JPH3: variants seen among roughly 807,000 people sequenced by gnomAD.
JPH3 encodes junctophilin 3, also known as junctophilin-3.
In JPH3, 11 loss-of-function variants were observed where a neutral mutation model predicts 59.6. The ratio of observed to expected loss-of-function variants is 0.18; its 90% CI spans 0.12 to 0.31. The LOEUF is 0.31. Ranked by LOEUF, JPH3 falls within the 10% of genes least tolerant of loss-of-function variation. The probability of loss-of-function intolerance (pLI) is 1.00; values close to 1 mark genes in which losing one functional copy is unlikely to be tolerated. For missense variants in JPH3, 1,202 were observed against 1,105.7 expected, an observed-to-expected ratio of 1.09 and a Z score of -1.24; for synonymous variants, 673 against 483.6, an observed-to-expected ratio of 1.39 and a Z score of -5.14.
chr16:87,691,338 A>T (rs1219609681), intron 4 of JPH3, among the ~76,000 whole-genome samples: 2 of 152,162 alleles, frequency 1.3e-5, no homozygotes, highest in African/African-American at 4.8e-5. Context: ...CGGTGGCTAC[A>T]TAGGATCTGC....
At chr16:87,620,345 TGGGCCAGAGC>T (rs891834759) in intron 1 of JPH3, among the ~76,000 whole-genome samples, 17 of 89,922 alleles carry the variant, frequency 1.9e-4, no homozygotes, top group South Asian at 3.8e-4. Context: ...CCTGGTGTCA[TGGGCCAGAGC>T]GGGCCAGAGC....
intron 1 of JPH3, among the ~76,000 whole-genome samples, chr16:87,617,777 T>C (rs1254216609): frequency 1.3e-5 from 2 of 151,288 alleles, no homozygotes; most frequent in Non-Finnish European, 2.9e-5. Context: ...AGAGAAGCTG[T>C]GCGCAGCCGG....
At chr16:87,632,487 C>T (rs568310563) in intron 1 of JPH3, among the ~76,000 whole-genome samples, 124 of 152,336 alleles carry the variant, frequency 8.1e-4, no homozygotes, top group Non-Finnish European at 1.6e-3. Context: ...TGCTCTGCCA[C>T]CCAGGCTGGA....
chr16:87,683,589 C>G (rs929065178), intron 2 of JPH3, among the ~76,000 whole-genome samples: 2 of 151,918 alleles, frequency 1.3e-5, no homozygotes, highest in Non-Finnish European at 2.9e-5. Flanking sequence ...CAGGCGTGAG[C>G]CACTGTGCCC....
At chr16:87,608,812 G>A (rs2030625761) in intron 1 of JPH3, among the ~76,000 whole-genome samples, 1 of 152,192 alleles carries the variant, frequency 6.6e-6, no homozygotes, top group Non-Finnish European at 1.5e-5. Flanking sequence ...CGAGATGGGA[G>A]GTTCACTTGA....
intron 2 of JPH3, among the ~76,000 whole-genome samples, chr16:87,674,679 G>A (rs1175860304): frequency 6.6e-6 from 1 of 152,168 alleles, no homozygotes; most frequent in Non-Finnish European, 1.5e-5. Flanking sequence ...CATGTGGAAG[G>A]GTTTGAAGGA....
chr16:87,643,921 G>A (rs2032041285), intron 1 of JPH3, among the ~76,000 whole-genome samples: 1 of 152,082 alleles, frequency 6.6e-6, no homozygotes, highest in African/African-American at 2.4e-5. Context: ...AGGATCACTT[G>A]AGCCCATGAG....
At chr16:87,689,521 T>G in intron 3 of JPH3, 125 bp from the exon 4 acceptor site, 1 of 1,041,064 alleles carries the variant, frequency 9.6e-7, no homozygotes, top group Non-Finnish European at 1.4e-6. Context: ...CCTGCAGCCT[T>G]TCGGTGAGTG....
chr16:87,614,288 G>A (rs1386713803), intron 1 of JPH3, among the ~76,000 whole-genome samples: 2 of 151,986 alleles, frequency 1.3e-5, no homozygotes, highest in Non-Finnish European at 2.9e-5. Context: ...GTACACAGGA[G>A]GAGCTGTGCG....
At chr16:87,633,248 C>A (rs963980336) in intron 1 of JPH3, among the ~76,000 whole-genome samples, 1 of 151,880 alleles carries the variant, frequency 6.6e-6, no homozygotes, top group African/African-American at 2.4e-5. Context: ...CCTCTGAGTC[C>A]CTTCATAGAA....
chr16:87,691,069 C>G (rs1022289395), intron 4 of JPH3, among the ~76,000 whole-genome samples: 1 of 148,482 alleles, frequency 6.7e-6, no homozygotes, highest in Non-Finnish European at 1.5e-5. Flanking sequence ...TGCAACTCAC[C>G]GTCAGCCTCA....
intron 1 of JPH3, among the ~76,000 whole-genome samples, chr16:87,606,055 A>C (rs911384888): frequency 1.3e-5 from 2 of 152,154 alleles, no homozygotes; most frequent in Non-Finnish European, 2.9e-5. Flanking sequence ...GAAGGGGGTG[A>C]TTATGGCACT....
intron 1 of JPH3, among the ~76,000 whole-genome samples, chr16:87,606,796 G>T (rs1189987702): frequency 6.6e-6 from 1 of 152,146 alleles, no homozygotes; most frequent in Non-Finnish European, 1.5e-5. Flanking sequence ...CCAACATCTG[G>T]ACAGGAGACT....
At position 87,684,192 on chromosome 16, in the gene JPH3, A is replaced by G; in HGVS notation, c.1211A>G (p.Lys404Arg). ...GAGGCAGCCCTCACAGCAGCTCAGA[A>G]AGCCCAGGAGGAGGCGCGGATCGCC... is the stretch of plus-strand genomic sequence containing the variant. Reference protein sequence around the residue: ...KAEAALTAAQKAQEEARIARI... With the variant: ...KAEAALTAAQRAQEEARIARI... Residue 404 changes from lysine to arginine, a missense_variant, in exon 3 of 5, where the codon AAA becomes AGA. Transcript: ENST00000284262. 6.2e-7 allele frequency: 1 copy of G among 1,613,920 alleles called. No individual in the cohort carries two copies. The highest frequency in any genetic ancestry group is 8.5e-7 in the Non-Finnish European group (1 of 1,180,022).
chr16:87,667,530 T>G (rs897981357), intron 2 of JPH3, among the ~76,000 whole-genome samples: 1 of 152,152 alleles, frequency 6.6e-6, no homozygotes, highest in East Asian at 1.9e-4. Context: ...ACCCTTTATC[T>G]GGTCTTTGGG....
chr16:87,645,027 G>A lies in JPH3; in HGVS notation c.1152G>A (p.Ala384=), dbSNP rs376541804. 1,222 of 1,601,916 alleles carry A rather than the reference G, an allele frequency of 7.6e-4. 1 individual carries two copies. Among genetic ancestry groups the A allele is most frequent in the Non-Finnish European group, 9.7e-4 (1,147 of 1,178,558 alleles). The part of the protein sequence containing the change: ...ATIAKQKAEI[A]ASRTSHSRAK... ...TCGCCAAGCAGAAGGCTGAGATCGC[G>A]GCTTCCAGGTAGGAGGGCGAGGGGG... The change falls in exon 2 of 5, where the codon GCG becomes GCA. Residue 384 remains alanine (A), a synonymous_variant. Transcript: ENST00000284262.
chr16:87,647,630 T>C (rs1350498761), intron 2 of JPH3, among the ~76,000 whole-genome samples: 1 of 152,190 alleles, frequency 6.6e-6, no homozygotes, highest in East Asian at 1.9e-4. Flanking sequence ...AACTGGGGTC[T>C]TGGATCGTAG....
chr16:87,666,033 A>G (rs542722371), intron 2 of JPH3, among the ~76,000 whole-genome samples: 2 of 152,076 alleles, frequency 1.3e-5, no homozygotes, highest in East Asian at 3.9e-4. Flanking sequence ...AGCAAATGGT[A>G]GTGCAGGATG....
chr16:87,604,928 C>T (rs1173036373), intron 1 of JPH3: 1 of 450,180 alleles, frequency 2.2e-6, no homozygotes, highest in Admixed American at 2.4e-5. Flanking sequence ...CCCTGGGGCG[C>T]TGAGGGCCGG....
Sources: gnomAD v4.1 joint callset for allele counts (sites outside exome capture counted in the v4.1 genomes callset) on GRCh38, gnomAD v4.1.1 for gene constraint, MANE v1.5 for transcripts, NCBI Gene and HGNC (gene_info 2026-07-23, HGNC 2026-07-21) for gene names.